IQANK1: variants seen among roughly 807,000 people sequenced by gnomAD.
IQANK1 encodes the protein IQ motif and ankyrin repeat containing 1.
A neutral mutation model predicts 22.6 loss-of-function variants in IQANK1; 30 were observed. That is an observed-to-expected ratio of 1.33 (90% CI 0.99 to 1.80). The LOEUF is 1.80. IQANK1 is among the 40% of genes most tolerant of loss of function. The pLI is 0.00. For synonymous variants in IQANK1, 122 were observed against 99.6 expected, an observed-to-expected ratio of 1.23 and a Z score of -1.34; for missense variants, 275 against 235.2, an observed-to-expected ratio of 1.17 and a Z score of -1.11.
chr8:143,749,340 TAAAAAC>T (rs1554627732), intron 3 of IQANK1, among the ~76,000 whole-genome samples: 4 of 8,848 alleles, frequency 4.5e-4, no homozygotes, highest in Admixed American at 2.2e-3. Context: ...ATAAAATATA[TAAAAAC>T]ATAAATATAT....
At chr8:143,748,830 T>TTCATATATAAATATATAAATATATATA (rs1178384552) in intron 3 of IQANK1, among the ~76,000 whole-genome samples, 38,914 of 83,460 alleles carry the variant, frequency 0.47, 13,029 homozygotes, top group Non-Finnish European at 0.62. Context: ...AAATATATAT[T>TTCATATATAAATATATAAATATATATA]TCATATATAA....
rs1820017990 is a variant in IQANK1, at chr8:143,790,519, T to G, written c.1594T>G (p.Phe532Val). ...GCAGCGGCTGGAGCACTTCCGCCTC[T>G]TTTTCGTCACCAAGGTCCAGTGGCC... is the stretch of plus-strand genomic sequence containing the variant. ...QEQRLEHFRL[F>V]FVTKVQWPPA... Residue 532 changes from phenylalanine to valine, a missense_variant, in exon 14 of 14, where the codon TTT (phenylalanine) becomes GTT (valine). By Grantham distance (50) the Phe-to-Val change is conservative. Transcript: ENST00000527139. The G allele has an allele frequency of 7.4e-6, 3 of 402,844 alleles. No individual in the cohort carries two copies. Among genetic ancestry groups the G allele is most frequent in the Non-Finnish European group, 1.3e-5 (3 of 229,804 alleles). The allele number at this position is 402,844 out of a possible 1,614,324, so 25.0% of individuals were successfully genotyped here.
intron 2 of IQANK1, chr8:143,739,576 G>A: frequency 5.5e-6 from 2 of 363,964 alleles, no homozygotes; most frequent in Non-Finnish European, 9.8e-6. Flanking sequence ...TTCTAGCAGA[G>A]GCACCACCTG....
At chr8:143,744,179 G>A (rs2129795647) in intron 3 of IQANK1, 1 of 170,088 alleles carries the variant, frequency 5.9e-6, no homozygotes, top group East Asian at 1.9e-4. Flanking sequence ...ATCTCCCCGG[G>A]TAATCTGGGA....
chr8:143,769,106 A>G (rs1214700160), intron 3 of IQANK1, among the ~76,000 whole-genome samples: 1 of 152,142 alleles, frequency 6.6e-6, no homozygotes, highest in Admixed American at 6.5e-5. Flanking sequence ...TCTGTTGTCC[A>G]GGCTGGAGTG....
intron 3 of IQANK1, among the ~76,000 whole-genome samples, chr8:143,749,584 T>TATA (rs56176556): frequency 2.9e-5 from 2 of 69,750 alleles, no homozygotes; most frequent in Non-Finnish European, 7.1e-5. Flanking sequence ...ATATATATAT[T>TATA]TTATTTATTT....
rs1230748563 is a variant in IQANK1 at position 143,790,129 on chromosome 8, G to A, written c.1290-8G>A. The A allele has an allele frequency of 8.1e-7, 1 of 1,232,060 alleles. No individual in the cohort carries two copies. The highest frequency in any genetic ancestry group is 1.0e-6 in the Non-Finnish European group (1 of 987,980). The allele number at this position is 1,232,060 out of a possible 1,614,324, so 76.3% of individuals were successfully genotyped here. On this transcript the variant is annotated splice_region_variant and splice_polypyrimidine_tract_variant and intron_variant, in intron 12 of 13. Transcript: ENST00000527139. ...GACAGACAGCAGTGACCTGATGGGT[G>A]TCCCCAGGTGGCCTCTTGTTATTGA...
chr8:143,762,112 T>A (rs889405226), intron 3 of IQANK1, among the ~76,000 whole-genome samples: 8 of 152,112 alleles, frequency 5.3e-5, no homozygotes, highest in Non-Finnish European at 1.2e-4. Flanking sequence ...ATCTGATCCT[T>A]TGTAACTATT....
chr8:143,740,792 C>T (rs777306941), intron 3 of IQANK1, among the ~76,000 whole-genome samples: 43 of 152,240 alleles, frequency 2.8e-4, no homozygotes, highest in Non-Finnish European at 5.6e-4. Flanking sequence ...ACCACCCCGC[C>T]CCAGGTGTCA....
At position 143,754,916 on chromosome 8, in the gene IQANK1, G is replaced by A. The variant is rs192931686; in HGVS notation, c.175+14968G>A. ...GCTGGGATTACAGGCGTGAGCCACC[G>A]CGCCCAGCCAGGTAGCAATCTTCTG... On this transcript the variant is annotated intron_variant, in intron 3 of 13. Coordinates refer to ENST00000527139, the MANE Select transcript of IQANK1 (RefSeq NM_001381874.1). Among the ~76,000 whole-genome samples the A allele has an allele frequency of 5.8e-3, 877 of 152,142 alleles. 13 individuals are homozygous for A. Among genetic ancestry groups the A allele is most frequent in the African/African-American group, 0.02 (818 of 41,514 alleles).
chr8:143,749,098 A>G (rs1819123174), intron 3 of IQANK1, among the ~76,000 whole-genome samples: 1 of 122,856 alleles, frequency 8.1e-6, no homozygotes, highest in Non-Finnish European at 1.6e-5. Flanking sequence ...ATAAATATAT[A>G]GCATATATGA....
intron 3 of IQANK1, among the ~76,000 whole-genome samples, chr8:143,748,886 C>CATATATAAATATATATATATATCATAT (rs567977254): frequency 3.1e-5 from 3 of 96,828 alleles, no homozygotes; most frequent in East Asian, 6.0e-4. Flanking sequence ...ATATATATAT[C>CATATATAAATATATATATATATCATAT]ATAAATACTT....
At chr8:143,781,647 T>C (rs1483295490) in intron 7 of IQANK1, among the ~76,000 whole-genome samples, 1 of 152,172 alleles carries the variant, frequency 6.6e-6, no homozygotes, top group Non-Finnish European at 1.5e-5. Context: ...TGCAACCTTG[T>C]TTCTGGGCTC....
At chr8:143,739,213 G>A (rs1378535556) in intron 2 of IQANK1, among the ~76,000 whole-genome samples, 2 of 152,144 alleles carry the variant, frequency 1.3e-5, no homozygotes, top group Non-Finnish European at 2.9e-5. Context: ...CCCAAATGCC[G>A]GCGTCCTCTG....
intron 3 of IQANK1, among the ~76,000 whole-genome samples, chr8:143,750,944 TTGTGTGTG>T (rs56002701): frequency 1.3e-5 from 2 of 149,700 alleles, no homozygotes; most frequent in African/African-American, 4.9e-5. Flanking sequence ...CTGTCTTCTT[TTGTGTGTG>T]TGTGTGTGTG....
chr8:143,773,091 G>C (rs1819612853), intron 7 of IQANK1, among the ~76,000 whole-genome samples: 1 of 152,164 alleles, frequency 6.6e-6, no homozygotes, highest in Non-Finnish European at 1.5e-5. Flanking sequence ...TGGATCACTT[G>C]AGCTCAGGAG....
At position 143,735,644 on chromosome 8, in the gene IQANK1, T is replaced by C. The variant is rs945411242; in HGVS notation, c.-4-206T>C. ...GGGGACGGGAGGTGGCCAAGTGCTC[T>C]TGCCAGGCATCCCGGCTCAAGCTTC... On this transcript the variant is annotated intron_variant, in intron 1 of 13. Coordinates refer to ENST00000527139, the MANE Select transcript of IQANK1 (RefSeq NM_001381874.1). This position sits in a 1 kb window ranked among gnomAD's most constrained non-coding sequence, Gnocchi z 5.2. Among the ~76,000 whole-genome samples, 1 of 152,016 alleles carries C rather than the reference T, an allele frequency of 6.6e-6. No individual in the cohort carries two copies. Among genetic ancestry groups the C allele is most frequent in the Non-Finnish European group, 1.5e-5 (1 of 67,976 alleles).
intron 3 of IQANK1, among the ~76,000 whole-genome samples, chr8:143,740,613 C>T (rs1360573549): frequency 6.6e-6 from 1 of 152,270 alleles, no homozygotes; most frequent in Non-Finnish European, 1.5e-5. Context: ...GGCTCCTCTC[C>T]GCGGAGCCGA....
chr8:143,790,021 G>A lies in IQANK1; in HGVS notation c.1246G>A (p.Val416Met). The change falls in exon 12 of 14, where the codon GTG becomes ATG. Residue 416 changes from valine to methionine, a missense_variant. By Grantham distance (21) the Val-to-Met change is conservative. Coordinates refer to ENST00000527139, the MANE Select transcript of IQANK1 (RefSeq NM_001381874.1). ...LKCQVTELHD[V>M]LMKDVGNRIR... ...GTGCCAGGTCACCGAGCTGCACGAT[G>A]TGCTGATGAAAGATGTAGGCAACCG... 3.7e-5 allele frequency: 46 copies of A among 1,232,110 alleles called. No individual in the cohort carries two copies. Among genetic ancestry groups the A allele is most frequent in the Non-Finnish European group, 4.4e-5 (43 of 988,022 alleles). The allele number at this position is 1,232,110 out of a possible 1,614,324, so 76.3% of individuals were successfully genotyped here.
Sources: gnomAD v4.1 joint callset for allele counts (sites outside exome capture counted in the v4.1 genomes callset) on GRCh38, gnomAD v4.1.1 for gene constraint, Gnocchi (gnomAD v3.1) non-coding constraint, MANE v1.5 for transcripts, NCBI Gene and HGNC (gene_info 2026-07-23, HGNC 2026-07-21) for gene names.